Variants in MROH2A observed in about 807,000 individuals in gnomAD.
MROH2A encodes maestro heat like repeat family member 2A.
Under a neutral mutation model 200.4 loss-of-function variants are expected in MROH2A, and 174 were observed. The ratio of observed to expected loss-of-function variants is 0.87; its 90% CI spans 0.77 to 0.98. MROH2A has a LOEUF of 0.98. Ranked by LOEUF, MROH2A falls within the 50% of genes least tolerant of loss-of-function variation. The probability of loss-of-function intolerance (pLI) is 0.00; values close to 1 mark genes in which losing one functional copy is unlikely to be tolerated. For synonymous variants in MROH2A, 829 were observed against 840.4 expected (o/e 0.99, Z 0.23); for missense variants, 2,045 against 2,139.6 (o/e 0.96, Z 0.87).
intron 11 of MROH2A, 69 bp downstream of exon 11, chr2:233,796,382 A>T: frequency 9.6e-7 from 1 of 1,043,784 alleles, no homozygotes; most frequent in Non-Finnish European, 1.4e-6. Context: ...CAAGGGAGGC[A>T]AGTTTCATTC....
chr2:233,816,518 G>C (rs1004329470), intron 26 of MROH2A, among the ~76,000 whole-genome samples: 5 of 152,164 alleles, frequency 3.3e-5, no homozygotes, highest in African/African-American at 1.2e-4. Context: ...GTGCAGGGTG[G>C]GCTGTGCTCC....
intron 5 of MROH2A, among the ~76,000 whole-genome samples, chr2:233,790,350 C>A (rs1416250284): frequency 1.4e-5 from 2 of 148,062 alleles, no homozygotes; most frequent in African/African-American, 5.0e-5. Context: ...CTTACTCCTT[C>A]CTCTCCCTCC....
Position 233,820,104 on chromosome 2 carries a change from A to T in MROH2A, c.3512+48A>T. The T allele has an allele frequency of 2.1e-6, 3 of 1,451,228 alleles. No individual in the cohort carries two copies. Among genetic ancestry groups the T allele is most frequent in the African/African-American group, 1.4e-5 (1 of 70,302 alleles). The allele number at this position is 1,451,228 out of a possible 1,614,324, so 89.9% of individuals were successfully genotyped here. On this transcript the variant is annotated intron_variant, in intron 31 of 41. Transcript: ENST00000389758. This position sits in a 1 kb window ranked among gnomAD's most constrained non-coding sequence, Gnocchi z 4.1. ...CCCCGGCCTCCTGTGCCATTTGACCATGCCCAACTCACCACCCCGATGTGT... is the reference window on the plus strand; with the variant it reads ...CCCCGGCCTCCTGTGCCATTTGACCTTGCCCAACTCACCACCCCGATGTGT...
chr2:233,779,488 C>T (rs1041271613), intron 2 of MROH2A, 36 bp downstream of exon 2: 1 of 1,483,194 alleles, frequency 6.7e-7, no homozygotes, highest in East Asian at 2.5e-5. Flanking sequence ...TTTCCTGCCC[C>T]ATCTCAGACA....
chr2:233,789,687 G>A, intron 4 of MROH2A, 59 bp downstream of exon 4: 1 of 1,438,322 alleles, frequency 7.0e-7, no homozygotes, highest in Non-Finnish European at 9.2e-7. Flanking sequence ...TGGGCCACGG[G>A]GGGCCTGGCC....
chr2:233,826,171 C>T (rs1034236121), intron 35 of MROH2A, among the ~76,000 whole-genome samples: 2 of 152,168 alleles, frequency 1.3e-5, no homozygotes, highest in African/African-American at 4.8e-5. Context: ...GATTTGCCCG[C>T]CTCGGCCTCC....
intron 6 of MROH2A, 120 bp downstream of exon 6, chr2:233,793,014 A>G (rs753265705): frequency 2.2e-5 from 22 of 1,004,570 alleles, no homozygotes; most frequent in Non-Finnish European, 2.9e-5. Flanking sequence ...TTGTTCTCCA[A>G]AGGAGTTTGC....
chr2:233,822,927 C>T lies in MROH2A; in HGVS notation c.3913C>T (p.Gln1305Ter), dbSNP rs1704046048. Residue 1305 changes from glutamine to a stop codon, truncating the protein, a stop_gained, in exon 34 of 42, where the codon CAG becomes TAG. Coordinates refer to ENST00000389758, the MANE Select transcript of MROH2A (RefSeq NM_001394639.1). LOFTEE classifies it high-confidence loss of function. ...MQLLFKRVKS[Q>*]HLAHTLDEQA... Reference sequence around the variant, plus strand: ...GCTCTTGTTCAAGAGAGTCAAGAGCCAGCACCTGGCACATACCCTGGACGA... The same window carrying T: ...GCTCTTGTTCAAGAGAGTCAAGAGCTAGCACCTGGCACATACCCTGGACGA... 3 of 1,550,522 alleles carry T rather than the reference C, an allele frequency of 1.9e-6. No homozygotes were observed. Among genetic ancestry groups the T allele is most frequent in the African/African-American group, 1.4e-5 (1 of 73,068 alleles).
chr2:233,783,059 A>G (rs1701024051), intron 3 of MROH2A, among the ~76,000 whole-genome samples: 1 of 152,166 alleles, frequency 6.6e-6, no homozygotes, highest in African/African-American at 2.4e-5. Context: ...CATCCTTGGG[A>G]TGAATCCCAC....
At position 233,807,632 on chromosome 2, in the gene MROH2A, G is replaced by T. The variant is rs760256389; in HGVS notation, c.2172+90G>T. 34 of 1,543,268 alleles carry T rather than the reference G, an allele frequency of 2.2e-5. No homozygotes were observed. The highest frequency in any genetic ancestry group is 2.7e-5 in the Non-Finnish European group (31 of 1,142,410). On this transcript the variant is annotated intron_variant, in intron 20 of 41. Transcript: ENST00000389758. The surrounding 1 kb of genome is among the most constrained non-coding windows in gnomAD (Gnocchi z 4.3). The stretch of plus-strand genomic sequence containing the variant: ...TCATGTGGCTGCATGCGTTTTGTGT[G>T]TGTGTGTGTACATGTGTGTGTGCCT...
intron 25 of MROH2A, among the ~76,000 whole-genome samples, chr2:233,814,089 T>C (rs1703351226): frequency 6.6e-6 from 1 of 152,156 alleles, no homozygotes; most frequent in African/African-American, 2.4e-5. Context: ...CTCCTGCCCA[T>C]CCTCAGTGCA....
At chr2:233,831,601 G>C in intron 39 of MROH2A, 61 bp downstream of exon 39, 1 of 1,515,156 alleles carries the variant, frequency 6.6e-7, no homozygotes, top group African/African-American at 1.4e-5. Flanking sequence ...CTTGGAGCTG[G>C]GGGGTCGAGA....
At position 233,819,395 on chromosome 2, in the gene MROH2A, C is replaced by A; in HGVS notation, c.3283C>A (p.Leu1095Met). The change falls in exon 30 of 42, where the codon CTG (leucine) becomes ATG (methionine). Residue 1095 changes from leucine to methionine, a missense_variant. Transcript: ENST00000389758. ...KLCENTGAMN[L>M]QHDKASVTWI... ...CTGCGAGAACACTGGGGCCATGAAC[C>A]TGCAGCATGACAAGGCCTCTGTCAC... is the stretch of plus-strand genomic sequence containing the variant. 1 of 1,550,602 alleles carries A rather than the reference C, an allele frequency of 6.4e-7. No homozygotes were observed. The highest frequency in any genetic ancestry group is 8.7e-7 in the Non-Finnish European group (1 of 1,146,958).
Position 233,805,607 on chromosome 2 carries a change from GAGA to G in MROH2A, c.2052+504_2052+506del, listed in dbSNP as rs149224233. Among the ~76,000 whole-genome samples, 1,517 of 152,238 alleles carry G rather than the reference GAGA, an allele frequency of 1.0e-2. 109 individuals are homozygous for G. The East Asian group carries it at 0.19, about 19-fold the overall frequency. On this transcript the variant is annotated intron_variant, in intron 19 of 41. Coordinates refer to ENST00000389758, the MANE Select transcript of MROH2A (RefSeq NM_001394639.1). The stretch of plus-strand genomic sequence containing the variant: ...GGCTCTGAATAGCCAACAAAATTAT[GAGA>G]AGAAGAATAAAGTTGGAGGACTCAA...
intron 14 of MROH2A, among the ~76,000 whole-genome samples, chr2:233,801,329 G>A (rs1488851135): frequency 6.6e-6 from 1 of 151,836 alleles, no homozygotes; most frequent in Admixed American, 6.6e-5. Context: ...TGGGGGTGGG[G>A]TGGAGAGGGA....
Position 233,814,655 on chromosome 2 carries a change from A to AG in MROH2A, c.2838dup (p.Leu947AlafsTer62). On this transcript the variant is annotated frameshift_variant, in exon 26 of 42. Coordinates refer to ENST00000389758, the MANE Select transcript of MROH2A (RefSeq NM_001394639.1). LOFTEE classifies it high-confidence loss of function. The stretch of plus-strand genomic sequence containing the variant: ...CTCCTGCAGAGGCAGCTGGACCCCA[A>AG]GGGGCTGCAGGAGATGGTGCAGGTG... 1.3e-6 allele frequency: 2 copies of AG among 1,550,278 alleles called. No homozygotes were observed. Among genetic ancestry groups the AG allele is most frequent in the Non-Finnish European group, 1.7e-6 (2 of 1,146,810 alleles).
chr2:233,808,586 G>A (rs528149880), intron 21 of MROH2A, among the ~76,000 whole-genome samples: 166 of 152,350 alleles, frequency 1.1e-3, no homozygotes, highest in African/African-American at 3.3e-3. Flanking sequence ...AAGAGGACCC[G>A]ACACCTAGAT....
intron 30 of MROH2A, among the ~76,000 whole-genome samples, 179 bp from the exon 31 acceptor site, chr2:233,819,723 A>G (rs950958546): frequency 2.6e-5 from 4 of 152,230 alleles, no homozygotes; most frequent in African/African-American, 7.2e-5. Flanking sequence ...CTGCACTGAA[A>G]GCCTGGGAAA....
In MROH2A at chr2:233,832,345, C is replaced by CG. The variant is rs776766376; in HGVS notation, c.4837+71dup. ...AGGCCCTCTAGTCCACCCCGGCACT[C>CG]GGGGGAAGGGTGGATCATGAGTGGG... On this transcript the variant is annotated intron_variant, in intron 40 of 41. Transcript: ENST00000389758. The CG allele has an allele frequency of 1.1e-4, 151 of 1,376,758 alleles. No individual in the cohort carries two copies. The East Asian group carries it at 2.7e-3, about 24-fold the overall frequency. 85.3% of individuals were successfully genotyped at this position (1,376,758 alleles called of 1,614,324 possible).
Sources: gnomAD v4.1 joint callset for allele counts (sites outside exome capture counted in the v4.1 genomes callset) on GRCh38, gnomAD v4.1.1 for gene constraint, Gnocchi (gnomAD v3.1) non-coding constraint, MANE v1.5 for transcripts, NCBI Gene and HGNC (gene_info 2026-07-23, HGNC 2026-07-21) for gene names.